Variants in MYBPC1 observed in about 807,000 individuals in gnomAD.
MYBPC1 encodes the protein myosin-binding protein C, slow-type.
Under a neutral mutation model 147.1 loss-of-function variants are expected in MYBPC1, and 52 were observed. The observed-to-expected ratio is 0.35, with a 90% confidence interval of 0.28 to 0.45. MYBPC1 has a LOEUF of 0.45. Among genes scored for constraint, MYBPC1 ranks in the 20% least tolerant of loss-of-function variants. The pLI, the probability that MYBPC1 is intolerant of heterozygous loss-of-function variation, is 1.00. For synonymous variants in MYBPC1, 477 were observed against 475.9 expected (o/e 1.00, Z -0.03); for missense variants, 1,228 against 1,440.3 (o/e 0.85, Z 2.39).
chr12:101,629,400 T>C lies in MYBPC1; in HGVS notation c.179-34T>C. The C allele has an allele frequency of 2.8e-6, 4 of 1,449,284 alleles. No homozygotes were observed. In the South Asian group the frequency reaches 4.6e-5, roughly 17 times the overall value. 89.8% of individuals were successfully genotyped at this position (1,449,284 alleles called of 1,614,324 possible). On this transcript the variant is annotated intron_variant, in intron 5 of 31. Transcript: ENST00000361466. ...AGACTGCCTAAGAAGAGCCTGGCCC[T>C]GAAATAATCCTTTTCCTCCTTTCTG...
At position 101,634,146 on chromosome 12, in the gene MYBPC1, C is replaced by T. The variant is rs534988093; in HGVS notation, c.557-408C>T. 3.3e-5 allele frequency among the ~76,000 whole-genome samples: 5 copies of T among 152,226 alleles called. No homozygotes were observed. The South Asian group carries it at 6.2e-4, about 19-fold the overall frequency. Reference sequence around the variant, plus strand: ...CGATCTCCTGATCTCGTGATCCGCCCGCCTCGGCCTCCCAAAGTGCTGGGA... The same window carrying T: ...CGATCTCCTGATCTCGTGATCCGCCTGCCTCGGCCTCCCAAAGTGCTGGGA... On this transcript the variant is annotated intron_variant, in intron 8 of 31. Transcript: ENST00000361466.
chr12:101,674,369 A>G (rs1243486055), intron 25 of MYBPC1, among the ~76,000 whole-genome samples: 1 of 152,094 alleles, frequency 6.6e-6, no homozygotes, highest in Non-Finnish European at 1.5e-5. Flanking sequence ...TTTTTTTAAT[A>G]TTAATATAAG....
intron 3 of MYBPC1, among the ~76,000 whole-genome samples, chr12:101,620,478 G>A (rs925731629): frequency 6.6e-6 from 1 of 152,176 alleles, no homozygotes; most frequent in African/African-American, 2.4e-5. Flanking sequence ...CACTTTATGG[G>A]GAAGAACAAC....
At chr12:101,607,614 G>A (rs1227188502) in intron 1 of MYBPC1, among the ~76,000 whole-genome samples, 1 of 152,052 alleles carries the variant, frequency 6.6e-6, no homozygotes, top group Non-Finnish European at 1.5e-5. Context: ...CTGTTATTGT[G>A]TCTTCTTCTG....
rs1183484864 is a variant in MYBPC1, at chr12:101,631,686, T to C, written c.405T>C (p.Leu135=). Residue 135 remains leucine, a synonymous_variant, in exon 7 of 32, where the codon CTT becomes CTC. Coordinates refer to ENST00000361466, the MANE Select transcript of MYBPC1 (RefSeq NM_002465.4). ...TGGCCAGCAAAGCCGGGAAGCACCT[T>C]CAGCTGAAGGAAACCTTTGAGAGGC... ...MDLASKAGKH[L]QLKETFERHS... 1 of 1,614,098 alleles carries C rather than the reference T, an allele frequency of 6.2e-7. No homozygotes were observed. The highest frequency in any genetic ancestry group is 1.3e-5 in the African/African-American group (1 of 74,938).
intron 1 of MYBPC1, among the ~76,000 whole-genome samples, chr12:101,612,926 T>C (rs1884790654): frequency 6.6e-6 from 1 of 152,240 alleles, no homozygotes; most frequent in African/African-American, 2.4e-5. Context: ...ACAAAAACAT[T>C]TCTGACAATG....
the MYBPC1 span, among the ~76,000 whole-genome samples, chr12:101,692,141 A>C: frequency 6.6e-6 from 1 of 152,150 alleles, no homozygotes; most frequent in Non-Finnish European, 1.5e-5. Flanking sequence ...AGACTTAGGG[A>C]GGAGAATTGG....
intron 22 of MYBPC1, chr12:101,666,579 A>C: frequency 7.4e-6 from 5 of 676,644 alleles, no homozygotes; most frequent in Non-Finnish European, 2.7e-6. Flanking sequence ...TGCTCTCCTG[A>C]GGAACCCCCC....
At chr12:101,614,736 G>A (rs1362920787) in intron 2 of MYBPC1, 2 of 616,808 alleles carry the variant, frequency 3.2e-6, no homozygotes, top group East Asian at 5.6e-5. Flanking sequence ...ATCTAATTTG[G>A]ATGGCACTTC....
chr12:101,663,666 AAAT>A, intron 22 of MYBPC1, 106 bp downstream of exon 22: 4 of 1,298,876 alleles, frequency 3.1e-6, no homozygotes, highest in Admixed American at 2.0e-5. Context: ...CTTCCTACGA[AAAT>A]AAGATCAAGC....
intron 11 of MYBPC1, 21 bp downstream of exon 11, chr12:101,642,606 G>T (rs528528751): frequency 1.9e-6 from 3 of 1,600,712 alleles, no homozygotes; most frequent in Non-Finnish European, 1.7e-6. Context: ...CCGGGGGCGA[G>T]GCAGCGGCCG....
chr12:101,618,442 G>A (rs774175307), intron 3 of MYBPC1, among the ~76,000 whole-genome samples: 18 of 152,154 alleles, frequency 1.2e-4, no homozygotes, highest in Non-Finnish European at 2.5e-4. Flanking sequence ...ATGGTTTCAA[G>A]GAGGTTTGGG....
chr12:101,634,720 C>A, intron 9 of MYBPC1, 115 bp downstream of exon 9: 1 of 835,282 alleles, frequency 1.2e-6, no homozygotes, highest in Non-Finnish European at 2.0e-6. Flanking sequence ...CACTTTTCAC[C>A]GCAAAAACAC....
At chr12:101,665,450 G>A (rs1379396218) in intron 22 of MYBPC1, among the ~76,000 whole-genome samples, 1 of 151,986 alleles carries the variant, frequency 6.6e-6, no homozygotes, top group African/African-American at 2.4e-5. Flanking sequence ...TTGTAAGATC[G>A]TGTGTTGTTT....
downstream of MYBPC1, among the ~76,000 whole-genome samples, chr12:101,688,002 G>T (rs1318808211): frequency 6.6e-6 from 1 of 152,132 alleles, no homozygotes; most frequent in Admixed American, 6.5e-5. Flanking sequence ...ACTGCAAAGA[G>T]CAAAAAATAT....
At chr12:101,627,745 A>C in intron 4 of MYBPC1, 24 bp from the exon 5 acceptor site, 2 of 1,613,146 alleles carry the variant, frequency 1.2e-6, no homozygotes, top group Non-Finnish European at 1.7e-6. Context: ...CCTCTGCATC[A>C]CCCAAATCAC....
chr12:101,661,775 G>T (rs1323892759), intron 20 of MYBPC1, among the ~76,000 whole-genome samples: 1 of 151,470 alleles, frequency 6.6e-6, no homozygotes, highest in East Asian at 1.9e-4. Context: ...TGTGGTCCCA[G>T]CTACTCGCTA....
chr12:101,647,829 T>G (rs1893546188), intron 13 of MYBPC1, among the ~76,000 whole-genome samples: 1 of 152,062 alleles, frequency 6.6e-6, no homozygotes, highest in South Asian at 2.1e-4. Flanking sequence ...GGAGGTTACA[T>G]TAAGCCAAGA....
chr12:101,649,117 G>A lies in MYBPC1; in HGVS notation c.1197-143G>A, dbSNP rs879481533. ...TACTGATGGATACAGAGATTGATTC[G>A]TACATTTTTTAATTCAACAAATAGT... is the stretch of plus-strand genomic sequence containing the variant. On this transcript the variant is annotated intron_variant, in intron 14 of 31. Coordinates refer to ENST00000361466, the MANE Select transcript of MYBPC1 (RefSeq NM_002465.4). 1.3e-4 allele frequency: 98 copies of A among 731,632 alleles called. 1 individual carries two copies. In the Admixed American group the frequency reaches 1.4e-3, roughly 10 times the overall value. 45.3% of individuals were successfully genotyped at this position (731,632 alleles called of 1,614,324 possible).
Sources: allele counts gnomAD v4.1 joint callset (sites outside exome capture counted in the v4.1 genomes callset), GRCh38; gene constraint gnomAD v4.1.1; transcripts MANE v1.5; gene names NCBI Gene and HGNC (gene_info 2026-07-23, HGNC 2026-07-21).